ASAP2: variants seen among roughly 807,000 people sequenced by gnomAD.
ASAP2 encodes ArfGAP with SH3 domain, ankyrin repeat and PH domain 2, also known as arf-GAP with SH3 domain, ANK repeat and PH domain-containing protein 2.
A neutral mutation model predicts 131.4 loss-of-function variants in ASAP2; 45 were observed. That is an observed-to-expected ratio of 0.34 (90% CI 0.27 to 0.44). The LOEUF is 0.44. Ranked by LOEUF, ASAP2 falls within the 20% of genes least tolerant of loss-of-function variation. ASAP2 has a pLI of 1.00. For missense variants in ASAP2, 1,011 were observed against 1,297.0 expected, an observed-to-expected ratio of 0.78 and a Z score of 3.39; for synonymous variants, 510 against 503.0, an observed-to-expected ratio of 1.01 and a Z score of -0.19.
chr2:9,314,324 G>A (rs936221289), intron 3 of ASAP2, among the ~76,000 whole-genome samples: 1 of 152,146 alleles, frequency 6.6e-6, no homozygotes, highest in Non-Finnish European at 1.5e-5. Context: ...TGCAAAATAG[G>A]TGCTCAATAA....
chr2:9,386,254 C>T (rs552816086), intron 21 of ASAP2, among the ~76,000 whole-genome samples: 3 of 152,012 alleles, frequency 2.0e-5, no homozygotes, highest in East Asian at 3.9e-4. Context: ...ACCTGTTGGA[C>T]TGTCTGCTCA....
intron 15 of ASAP2, among the ~76,000 whole-genome samples, chr2:9,364,371 G>A (rs1181018650): frequency 6.6e-6 from 1 of 152,096 alleles, no homozygotes; most frequent in Non-Finnish European, 1.5e-5. Context: ...GCTGAGTATG[G>A]TAGTACATGC....
At chr2:9,263,145 T>C (rs751853047) in intron 1 of ASAP2, among the ~76,000 whole-genome samples, 16 of 152,182 alleles carry the variant, frequency 1.1e-4, no homozygotes, top group Non-Finnish European at 1.6e-4. Flanking sequence ...ACTGTCTCGG[T>C]GTCCCTGCTG....
intron 24 of ASAP2, among the ~76,000 whole-genome samples, chr2:9,395,421 G>C (rs1360995388): frequency 1.3e-5 from 2 of 151,878 alleles, no homozygotes; most frequent in African/African-American, 2.4e-5. Context: ...GTTGCAGGGA[G>C]CTGAGATCAC....
intron 1 of ASAP2, among the ~76,000 whole-genome samples, chr2:9,214,906 C>T (rs1408404705): frequency 6.6e-6 from 1 of 152,148 alleles, no homozygotes; most frequent in East Asian, 1.9e-4. Context: ...CCCTTTGACA[C>T]TCTGGCGAAG....
intron 1 of ASAP2, among the ~76,000 whole-genome samples, chr2:9,213,158 C>A (rs1435161239): frequency 6.6e-6 from 1 of 152,154 alleles, no homozygotes; most frequent in Non-Finnish European, 1.5e-5. Context: ...GATCAGGAAA[C>A]CGAAATCAGG....
At chr2:9,368,588 G>A (rs1485380111) in intron 16 of ASAP2, 69 bp downstream of exon 16, 3 of 1,397,482 alleles carry the variant, frequency 2.1e-6, no homozygotes, top group African/African-American at 2.8e-5. Context: ...CCGGGAGGCA[G>A]GGGAATAAGA....
chr2:9,222,679 C>T (rs1558245460), intron 1 of ASAP2, among the ~76,000 whole-genome samples: 2 of 152,148 alleles, frequency 1.3e-5, no homozygotes, highest in South Asian at 4.1e-4. Context: ...TTTGGTTTGC[C>T]TTGGTCGCAG....
intron 17 of ASAP2, among the ~76,000 whole-genome samples, chr2:9,375,426 A>G (rs1430374300): frequency 6.6e-6 from 1 of 152,170 alleles, no homozygotes. Context: ...CAGTAGGAAA[A>G]TAATTGTATC....
chr2:9,216,484 G>A (rs1261101093), intron 1 of ASAP2, among the ~76,000 whole-genome samples: 5 of 128,240 alleles, frequency 3.9e-5, no homozygotes, highest in Admixed American at 8.6e-5. Flanking sequence ...TTTTTGAGAC[G>A]GTGTCTCACT....
At chr2:9,284,706 C>T (rs1239366738) in intron 2 of ASAP2, among the ~76,000 whole-genome samples, 1 of 152,116 alleles carries the variant, frequency 6.6e-6, no homozygotes, top group Non-Finnish European at 1.5e-5. Flanking sequence ...CAGTGGCTGC[C>T]ATGGGTGTGG....
chr2:9,398,461 G>T (rs62118809), intron 24 of ASAP2, among the ~76,000 whole-genome samples: 9,507 of 152,084 alleles, frequency 0.063, 386 homozygotes, highest in Non-Finnish European at 0.096. Context: ...GCGGTGAACT[G>T]ATTGCCGCAC....
chr2:9,385,444 G>A lies in ASAP2; in HGVS notation c.2130+86G>A, dbSNP rs1675191365. 2.7e-5 allele frequency: 29 copies of A among 1,059,896 alleles called. No individual in the cohort carries two copies. The South Asian group carries it at 3.7e-4, about 14-fold the overall frequency. 65.7% of individuals were successfully genotyped at this position (1,059,896 alleles called of 1,614,324 possible). On this transcript the variant is annotated intron_variant, in intron 21 of 27. Transcript: ENST00000281419. Reference sequence around the variant, plus strand: ...TCCTAATCTGTAATTAAGGCAGAAAGCTGTTTTATAGAAATGAAAATGTAG... The same window carrying A: ...TCCTAATCTGTAATTAAGGCAGAAAACTGTTTTATAGAAATGAAAATGTAG...
chr2:9,214,699 A>G (rs1436983222), intron 1 of ASAP2, among the ~76,000 whole-genome samples: 1 of 151,736 alleles, frequency 6.6e-6, no homozygotes, highest in African/African-American at 2.4e-5. Flanking sequence ...TCACTCATAA[A>G]TGTATATTGG....
At chr2:9,270,959 A>AT (rs574621027) in intron 1 of ASAP2, among the ~76,000 whole-genome samples, 1 of 149,846 alleles carries the variant, frequency 6.7e-6, no homozygotes, top group African/African-American at 2.5e-5. Flanking sequence ...CGCCCGGCTA[A>AT]TTTTTTTGTA....
intron 1 of ASAP2, among the ~76,000 whole-genome samples, chr2:9,222,848 T>C (rs1662523947): frequency 6.6e-6 from 1 of 152,188 alleles, no homozygotes; most frequent in Non-Finnish European, 1.5e-5. Context: ...CACCTTTTCC[T>C]TGGGGACTGG....
intron 3 of ASAP2, among the ~76,000 whole-genome samples, chr2:9,301,818 ATCTTT>A (rs1303426199): frequency 9.4e-5 from 12 of 127,370 alleles, no homozygotes; most frequent in African/African-American, 3.6e-4. Context: ...TGTATCCATC[ATCTTT>A]TTTTTTTTTT....
At chr2:9,304,955 G>A (rs1325650532) in intron 3 of ASAP2, among the ~76,000 whole-genome samples, 3 of 150,676 alleles carry the variant, frequency 2.0e-5, no homozygotes, top group Non-Finnish European at 4.4e-5. Flanking sequence ...TATTGGCGGA[G>A]GGGGTTGTAA....
chr2:9,398,307 C>T (rs1446481142), intron 24 of ASAP2, among the ~76,000 whole-genome samples: 2 of 149,228 alleles, frequency 1.3e-5, no homozygotes, highest in Non-Finnish European at 3.0e-5. Flanking sequence ...ACTAGGAGTT[C>T]GAGACCAGGC....
Sources: allele counts gnomAD v4.1 joint callset (sites outside exome capture counted in the v4.1 genomes callset), GRCh38; gene constraint gnomAD v4.1.1; transcripts MANE v1.5; gene names NCBI Gene and HGNC (gene_info 2026-07-23, HGNC 2026-07-21).